The following CMTM8 variants were observed in gnomAD, a reference collection of about 807,000 sequenced individuals.
CMTM8 encodes the protein CKLF-like MARVEL transmembrane domain-containing protein 8.
In CMTM8, 12 loss-of-function variants were observed where a neutral mutation model predicts 18.6. That is an observed-to-expected ratio of 0.65 (90% CI 0.41 to 1.05). CMTM8 has a LOEUF of 1.05. CMTM8 is among the 50% of genes least tolerant of loss of function. The pLI, the probability that CMTM8 is intolerant of heterozygous loss-of-function variation, is 0.00. For missense variants in CMTM8, 217 were observed against 227.2 expected (o/e 0.95, Z 0.29); for synonymous variants, 87 against 90.6 (o/e 0.96, Z 0.23).
intron 1 of CMTM8, among the ~76,000 whole-genome samples, chr3:32,318,863 G>A (rs995433584): frequency 6.0e-5 from 9 of 150,770 alleles, no homozygotes; most frequent in South Asian, 2.1e-4. Context: ...CACCGCGCCC[G>A]GCTAGTCATT....
rs370176654 is a variant in CMTM8, at chr3:32,279,748, C to T, written c.147+40629C>T. Among the ~76,000 whole-genome samples the T allele has an allele frequency of 4.8e-3, 590 of 124,058 alleles. 3 individuals are homozygous for T. The highest frequency in any genetic ancestry group is 0.018 in the African/African-American group (560 of 31,276). 81.4% of individuals were successfully genotyped at this position (124,058 alleles called of 152,430 possible). On this transcript the variant is annotated intron_variant, in intron 1 of 3. Transcript: ENST00000307526. Reference sequence around the variant, plus strand: ...TTCTAGTTCTAGATCCCTGAGGAATCGCCACACTGACTTCCACAATGGTTG... The same window carrying T: ...TTCTAGTTCTAGATCCCTGAGGAATTGCCACACTGACTTCCACAATGGTTG...
chr3:32,301,798 T>C (rs137940495), intron 1 of CMTM8, among the ~76,000 whole-genome samples: 288 of 152,200 alleles, frequency 1.9e-3, no homozygotes, highest in African/African-American at 6.0e-3. Context: ...GCAGGTGATG[T>C]CAGAGAACAT....
chr3:32,333,631 CAAAAAA>C (rs10576288), intron 1 of CMTM8, among the ~76,000 whole-genome samples: 11 of 114,822 alleles, frequency 9.6e-5, no homozygotes, highest in Non-Finnish European at 1.8e-4. Flanking sequence ...ACTTTTCCAC[CAAAAAA>C]AAAAAAAAAA....
chr3:32,341,604 T>C (rs2125589625), intron 1 of CMTM8, among the ~76,000 whole-genome samples: 1 of 152,262 alleles, frequency 6.6e-6, no homozygotes, highest in South Asian at 2.1e-4. Context: ...AGGCCAGGTG[T>C]GGTGGCTCAC....
intron 1 of CMTM8, among the ~76,000 whole-genome samples, chr3:32,264,435 C>T (rs1053899726): frequency 1.3e-5 from 2 of 152,164 alleles, no homozygotes; most frequent in African/African-American, 2.4e-5. Flanking sequence ...GCCTGCCCTA[C>T]AAGAGCTCCT....
chr3:32,295,477 A>AAAAAAAAAAAAAAAAAAAAAG (rs1702860719), intron 1 of CMTM8, among the ~76,000 whole-genome samples: 1 of 98,396 alleles, frequency 1.0e-5, no homozygotes, highest in Non-Finnish European at 1.9e-5. Context: ...AAAAAAAAAA[A>AAAAAAAAAAAAAAAAAAAAAG]ACAAAACAAA....
chr3:32,370,051 GA>G lies in CMTM8; in HGVS notation c.*86del. The G allele has an allele frequency of 4.1e-6, 3 of 727,978 alleles. No homozygotes were observed. The highest frequency in any genetic ancestry group is 6.7e-6 in the Non-Finnish European group (3 of 449,756). The allele number at this position is 727,978 out of a possible 1,614,324, so 45.1% of individuals were successfully genotyped here. ...TGTAGGTATAATGTATATTCCCAGA[GA>G]ATTGTATTTAACTAATTAATGTTTT... On this transcript the variant is annotated 3_prime_UTR_variant, in exon 4 of 4. Coordinates refer to ENST00000307526, the MANE Select transcript of CMTM8 (RefSeq NM_178868.5).
At chr3:32,251,136 T>C (rs886150781) in intron 1 of CMTM8, among the ~76,000 whole-genome samples, 2 of 152,130 alleles carry the variant, frequency 1.3e-5, no homozygotes, top group African/African-American at 4.8e-5. Context: ...GTGGGAGATA[T>C]TTGGAATAAT....
Position 32,350,354 on chromosome 3 carries a change from C to G in CMTM8, c.148-7019C>G, listed in dbSNP as rs986030620. On this transcript the variant is annotated intron_variant, in intron 1 of 3. Transcript: ENST00000307526. ...CAGTTATCCATTGTTCATATGTGTT[C>G]TAAGCTTTTTTTTTTTTTTTTGAGA... 9.0e-4 allele frequency among the ~76,000 whole-genome samples: 133 copies of G among 147,478 alleles called. 3 individuals carry two copies. Among genetic ancestry groups the G allele is most frequent in the Non-Finnish European group, 3.3e-4 (22 of 67,082 alleles).
chr3:32,284,216 G>A (rs1702645796), intron 1 of CMTM8, among the ~76,000 whole-genome samples: 1 of 152,234 alleles, frequency 6.6e-6, no homozygotes, highest in African/African-American at 2.4e-5. Flanking sequence ...TTGTGCCACT[G>A]CACTCCAGCC....
intron 1 of CMTM8, among the ~76,000 whole-genome samples, chr3:32,245,920 A>G (rs1702009519): frequency 6.6e-6 from 1 of 152,070 alleles, no homozygotes; most frequent in African/African-American, 2.4e-5. Flanking sequence ...GGTTCAAGCA[A>G]TGCTCATGCC....
intron 1 of CMTM8, among the ~76,000 whole-genome samples, chr3:32,273,072 G>A (rs1216860472): frequency 6.6e-6 from 1 of 151,512 alleles, no homozygotes; most frequent in East Asian, 1.9e-4. Flanking sequence ...TATAAGGATG[G>A]GTATAATTAA....
chr3:32,319,100 C>G (rs1287292847), intron 1 of CMTM8, among the ~76,000 whole-genome samples: 2 of 24,836 alleles, frequency 8.1e-5, no homozygotes, highest in Non-Finnish European at 1.3e-4. Flanking sequence ...TTTTTTGAGA[C>G]AGAGTCCCAC....
chr3:32,367,843 C>CAGG (rs760843497), intron 2 of CMTM8, 29 bp from the exon 3 acceptor site: 3 of 1,510,894 alleles, frequency 2.0e-6, no homozygotes. Context: ...TCCCCTCTCC[C>CAGG]TAAACACTCT....
At chr3:32,361,291 T>TTTTTTGTTTTTTTG (rs1314833356) in intron 2 of CMTM8, among the ~76,000 whole-genome samples, 1 of 148,538 alleles carries the variant, frequency 6.7e-6, no homozygotes, top group Non-Finnish European at 1.5e-5. Context: ...TAAGAGTTTT[T>TTTTTTGTTTTTTTG]TTTTCTTTCA....
chr3:32,359,640 A>G (rs1034150720), intron 2 of CMTM8, among the ~76,000 whole-genome samples: 6 of 152,084 alleles, frequency 3.9e-5, no homozygotes, highest in Non-Finnish European at 4.4e-5. Flanking sequence ...CCCACAGGCC[A>G]TAGTTTACAG....
intron 1 of CMTM8, among the ~76,000 whole-genome samples, chr3:32,326,384 C>A (rs1696155564): frequency 6.6e-6 from 1 of 152,162 alleles, no homozygotes; most frequent in African/African-American, 2.4e-5. Flanking sequence ...CTATATCTCA[C>A]ATTACCATCC....
chr3:32,282,587 T>G (rs2125550762), intron 1 of CMTM8, among the ~76,000 whole-genome samples: 1 of 152,338 alleles, frequency 6.6e-6, no homozygotes, highest in South Asian at 2.1e-4. Flanking sequence ...ATATTGCCTC[T>G]TAGCTGATTT....
chr3:32,284,790 G>C (rs748562091), intron 1 of CMTM8, among the ~76,000 whole-genome samples: 3 of 152,188 alleles, frequency 2.0e-5, no homozygotes, highest in Non-Finnish European at 4.4e-5. Context: ...TTGTTTGAGG[G>C]AAAGGTTTTT....
Sources: gnomAD v4.1 joint callset for allele counts (sites outside exome capture counted in the v4.1 genomes callset) on GRCh38, gnomAD v4.1.1 for gene constraint, MANE v1.5 for transcripts, NCBI Gene and HGNC (gene_info 2026-07-23, HGNC 2026-07-21) for gene names.